Variants in SCFD2 observed in about 807,000 individuals in gnomAD.
SCFD2 encodes the protein sec1 family domain-containing protein 2.
In SCFD2, 54 loss-of-function variants were observed where a neutral mutation model predicts 58.9. The observed-to-expected ratio is 0.92, with a 90% CI of 0.74 to 1.15. The LOEUF is 1.15. Among genes scored for constraint, SCFD2 ranks in the 50% most tolerant of loss-of-function variants. The probability of loss-of-function intolerance (pLI) is 0.00; values close to 1 mark genes in which losing one functional copy is unlikely to be tolerated. For missense variants in SCFD2, 805 were observed against 836.6 expected (o/e 0.96, Z 0.47); for synonymous variants, 321 against 335.9 (o/e 0.96, Z 0.49).
At chr4:53,361,837 T>C (rs1242561628) in intron 1 of SCFD2, among the ~76,000 whole-genome samples, 1 of 152,230 alleles carries the variant, frequency 6.6e-6, no homozygotes, top group Non-Finnish European at 1.5e-5. Context: ...ACTAATGATA[T>C]GATTCAAGAA....
chr4:52,913,233 C>G (rs915591323), intron 6 of SCFD2, among the ~76,000 whole-genome samples: 1 of 152,116 alleles, frequency 6.6e-6, no homozygotes, highest in Admixed American at 6.5e-5. Context: ...GCTACTGGTT[C>G]GTGGCCTGTT....
chr4:53,327,710 A>C (rs1733252774), intron 2 of SCFD2, among the ~76,000 whole-genome samples: 1 of 152,204 alleles, frequency 6.6e-6, no homozygotes, highest in South Asian at 2.1e-4. Context: ...ACTGAGGGAT[A>C]AGAGGGTCAG....
chr4:53,136,587 T>C (rs114758847), intron 5 of SCFD2, among the ~76,000 whole-genome samples: 2,053 of 152,330 alleles, frequency 0.013, 41 homozygotes, highest in African/African-American at 0.046. Flanking sequence ...TCCCAAACCA[T>C]GTTTGAAAAA....
At chr4:53,149,819 C>G (rs1224320823) in intron 4 of SCFD2, among the ~76,000 whole-genome samples, 8 of 152,116 alleles carry the variant, frequency 5.3e-5, no homozygotes, top group Admixed American at 5.2e-4. Flanking sequence ...AGAAAAATCC[C>G]AACTGAGCAA....
chr4:53,300,081 C>G (rs1467487102), intron 3 of SCFD2, among the ~76,000 whole-genome samples: 3 of 152,100 alleles, frequency 2.0e-5, no homozygotes, highest in African/African-American at 7.2e-5. Flanking sequence ...ATGACAGGAT[C>G]AAATTCACAC....
At chr4:53,249,152 G>A (rs1416767669) in intron 4 of SCFD2, among the ~76,000 whole-genome samples, 1 of 152,204 alleles carries the variant, frequency 6.6e-6, no homozygotes, top group East Asian at 1.9e-4. Flanking sequence ...AGAACTACGT[G>A]AAGAATGCAG....
intron 5 of SCFD2, among the ~76,000 whole-genome samples, chr4:52,934,640 T>A (rs1241286165): frequency 1.3e-5 from 2 of 152,222 alleles, no homozygotes; most frequent in African/African-American, 4.8e-5. Context: ...ATAGTCAGCA[T>A]GTACTGAGCT....
chr4:53,007,896 C>A (rs1722013447), intron 5 of SCFD2, among the ~76,000 whole-genome samples: 1 of 152,138 alleles, frequency 6.6e-6, no homozygotes, highest in African/African-American at 2.4e-5. Context: ...TAGGAGATCT[C>A]AAGAAGAGCT....
intron 5 of SCFD2, among the ~76,000 whole-genome samples, chr4:52,975,102 A>G (rs1721215756): frequency 6.6e-6 from 1 of 152,210 alleles, no homozygotes; most frequent in Non-Finnish European, 1.5e-5. Context: ...TTCAGGACAT[A>G]GGCATGGGCA....
intron 4 of SCFD2, among the ~76,000 whole-genome samples, chr4:53,156,256 A>C (rs1252452113): frequency 6.6e-6 from 1 of 152,006 alleles, no homozygotes; most frequent in African/African-American, 2.4e-5. Flanking sequence ...AAAATTAGCC[A>C]GGTATGGTTG....
At position 53,033,809 on chromosome 4, in the gene SCFD2, A is replaced by G. The variant is rs1722684130; in HGVS notation, c.1561+111524T>C. On this transcript the variant is annotated intron_variant, in intron 5 of 8. Transcript: ENST00000401642. ...TGAATAAAGCATAACAAGTTCTGAA[A>G]TTGAGGCAATAACAGCCACCCAACC... Among the ~76,000 whole-genome samples, 5 of 152,216 alleles carry G rather than the reference A, an allele frequency of 3.3e-5. No individual in the cohort carries two copies. In the South Asian group the frequency reaches 1.0e-3, roughly 32 times the overall value.
At chr4:53,265,392 G>A (rs2149059149) in intron 4 of SCFD2, 1 of 152,116 alleles carries the variant, frequency 6.6e-6, no homozygotes, top group South Asian at 2.1e-4. Context: ...AACAGCATAA[G>A]GCTTAAAAAA....
At chr4:53,215,079 G>C (rs1728770213) in intron 4 of SCFD2, among the ~76,000 whole-genome samples, 1 of 152,106 alleles carries the variant, frequency 6.6e-6, no homozygotes, top group Non-Finnish European at 1.5e-5. Context: ...TTTGAAGTCA[G>C]GTAGCTTGAT....
At chr4:53,206,309 T>G (rs4515221) in intron 4 of SCFD2, among the ~76,000 whole-genome samples, 12,518 of 152,136 alleles carry the variant, frequency 0.082, 750 homozygotes, top group East Asian at 0.24. Context: ...ACATTTAATT[T>G]AAAAAATAAA....
At chr4:53,059,752 T>C (rs1349690922) in intron 5 of SCFD2, among the ~76,000 whole-genome samples, 2 of 152,122 alleles carry the variant, frequency 1.3e-5, no homozygotes, top group Admixed American at 1.3e-4. Flanking sequence ...TTGACTGAGA[T>C]GGACTTCAAT....
intron 2 of SCFD2, among the ~76,000 whole-genome samples, chr4:53,340,025 G>A (rs1733812793): frequency 6.6e-6 from 1 of 152,158 alleles, no homozygotes; most frequent in African/African-American, 2.4e-5. Flanking sequence ...CCAGTCTACA[G>A]TTCCCAGTGA....
intron 7 of SCFD2, among the ~76,000 whole-genome samples, chr4:52,902,795 T>C (rs371858238): frequency 2.6e-4 from 39 of 152,338 alleles, no homozygotes; most frequent in African/African-American, 8.4e-4. Flanking sequence ...CAAGGTCACA[T>C]AGTTAGTAAA....
At chr4:53,056,125 G>A (rs558401143) in intron 5 of SCFD2, among the ~76,000 whole-genome samples, 1 of 136,932 alleles carries the variant, frequency 7.3e-6, no homozygotes, top group South Asian at 2.3e-4. Context: ...TTGTAACGTA[G>A]CTTTTTTTTT....
chr4:53,233,106 G>T (rs1729489337), intron 4 of SCFD2, among the ~76,000 whole-genome samples: 1 of 152,112 alleles, frequency 6.6e-6, no homozygotes. Flanking sequence ...AGACCTAAAT[G>T]CCCTGTGAAC....
Sources: gnomAD v4.1 joint callset for allele counts (sites outside exome capture counted in the v4.1 genomes callset) on GRCh38, gnomAD v4.1.1 for gene constraint, MANE v1.5 for transcripts, NCBI Gene and HGNC (gene_info 2026-07-23, HGNC 2026-07-21) for gene names.